Variants in ACVR2A observed in about 807,000 individuals in gnomAD.
ACVR2A encodes activin A receptor type 2A.
ACVR2A carries 7 observed loss-of-function variants against 61.4 expected under a neutral mutation model. The ratio of observed to expected loss-of-function variants is 0.11; its 90% confidence interval spans 0.06 to 0.21. ACVR2A has a LOEUF of 0.21. ACVR2A is among the 10% of genes least tolerant of loss of function. The pLI is 1.00. For missense variants in ACVR2A, 322 were observed against 621.7 expected, an observed-to-expected ratio of 0.52 and a Z score of 5.13; for synonymous variants, 193 against 208.3, an observed-to-expected ratio of 0.93 and a Z score of 0.63.
At chr2:147,920,140 G>T (rs1317763104) in intron 7 of ACVR2A, 90 bp from the exon 8 acceptor site, 5 of 790,838 alleles carry the variant, frequency 6.3e-6, no homozygotes, top group Non-Finnish European at 1.0e-5. Flanking sequence ...TTTTTTCATA[G>T]TGTACATATT....
intron 1 of ACVR2A, among the ~76,000 whole-genome samples, chr2:147,864,180 G>GTAGCA (rs1685795639): frequency 6.6e-6 from 1 of 151,950 alleles, no homozygotes; most frequent in African/African-American, 2.4e-5. Context: ...ATTAAATGAT[G>GTAGCA]TAGCATACTT....
intron 1 of ACVR2A, among the ~76,000 whole-genome samples, chr2:147,894,370 C>G (rs1053869038): frequency 6.6e-6 from 1 of 152,030 alleles, no homozygotes; most frequent in African/African-American, 2.4e-5. Flanking sequence ...TTCAAATAGA[C>G]AAGACATAAT....
chr2:147,870,916 T>A (rs1191473659), intron 1 of ACVR2A, among the ~76,000 whole-genome samples: 1 of 152,138 alleles, frequency 6.6e-6, no homozygotes, highest in Non-Finnish European at 1.5e-5. Flanking sequence ...TAATTAATCT[T>A]TTTTATTCCT....
chr2:147,855,601 T>A (rs910999222), intron 1 of ACVR2A, among the ~76,000 whole-genome samples: 7 of 152,176 alleles, frequency 4.6e-5, no homozygotes, highest in African/African-American at 1.7e-4. Context: ...GAACATTCTC[T>A]GATTGTATTG....
chr2:147,856,329 A>G (rs1357142840), intron 1 of ACVR2A, among the ~76,000 whole-genome samples: 3 of 152,184 alleles, frequency 2.0e-5, no homozygotes, highest in Admixed American at 6.5e-5. Flanking sequence ...TTTAAAAAAT[A>G]TAATGGTGCC....
At chr2:147,907,929 C>T (rs1687024891) in intron 4 of ACVR2A, among the ~76,000 whole-genome samples, 1 of 151,338 alleles carries the variant, frequency 6.6e-6, no homozygotes, top group Non-Finnish European at 1.5e-5. Context: ...ATCCCAGCTA[C>T]TTCGGAGGCT....
intron 1 of ACVR2A, among the ~76,000 whole-genome samples, chr2:147,875,521 A>C (rs1240637868): frequency 6.6e-6 from 1 of 152,090 alleles, no homozygotes; most frequent in East Asian, 1.9e-4. Flanking sequence ...AAAAATGCAG[A>C]GCCCCAGACG....
At chr2:147,869,797 A>C (rs1685964648) in intron 1 of ACVR2A, among the ~76,000 whole-genome samples, 2 of 152,132 alleles carry the variant, frequency 1.3e-5, no homozygotes, top group East Asian at 3.9e-4. Flanking sequence ...ACTTCAGTGA[A>C]CCTTGAAAGA....
At chr2:147,915,157 G>A in intron 4 of ACVR2A, 34 bp from the exon 5 acceptor site, 1 of 1,602,164 alleles carries the variant, frequency 6.2e-7, no homozygotes, top group Non-Finnish European at 8.5e-7. Context: ...GTCATGTTCT[G>A]CTTATTTATA....
At chr2:147,926,211 C>G in intron 10 of ACVR2A, 50 bp downstream of exon 10, 1 of 1,581,146 alleles carries the variant, frequency 6.3e-7, no homozygotes, top group Non-Finnish European at 8.6e-7. Flanking sequence ...AAACACTTTT[C>G]AGAGGAATTA....
chr2:147,894,934 C>T (rs192476083), intron 1 of ACVR2A, among the ~76,000 whole-genome samples: 2 of 152,092 alleles, frequency 1.3e-5, no homozygotes, highest in East Asian at 3.9e-4. Flanking sequence ...TTGTGTCAGT[C>T]TACACATATG....
At chr2:147,868,788 C>T (rs1474914638) in intron 1 of ACVR2A, among the ~76,000 whole-genome samples, 2 of 151,894 alleles carry the variant, frequency 1.3e-5, no homozygotes, top group African/African-American at 2.4e-5. Context: ...TGCCACCACA[C>T]CTGGCTAATT....
At chr2:147,917,511 T>C (rs1178848201) in intron 6 of ACVR2A, 85 bp downstream of exon 6, 22 of 1,405,222 alleles carry the variant, frequency 1.6e-5, no homozygotes, top group Non-Finnish European at 2.1e-5. Flanking sequence ...AGAGTTATTT[T>C]TCGAGACATC....
rs112040792 is a variant in ACVR2A, at chr2:147,926,796, G to A, written c.1348-284G>A. 2.0e-5 allele frequency among the ~76,000 whole-genome samples: 3 copies of A among 151,764 alleles called. 1 individual carries two copies. Among genetic ancestry groups the A allele is most frequent in the African/African-American group, 7.2e-5 (3 of 41,454 alleles). On this transcript the variant is annotated intron_variant, in intron 10 of 10. Coordinates refer to ENST00000241416, the MANE Select transcript of ACVR2A (RefSeq NM_001616.5). Reference sequence around the variant, plus strand: ...GGTCCCCTTTATCCTTGATTTTTGAGTCCATTTGAAGGGTTAGCATTGAAA... The same window carrying A: ...GGTCCCCTTTATCCTTGATTTTTGAATCCATTTGAAGGGTTAGCATTGAAA...
intron 1 of ACVR2A, among the ~76,000 whole-genome samples, chr2:147,865,479 G>A (rs1349023189): frequency 6.6e-6 from 1 of 152,138 alleles, no homozygotes; most frequent in East Asian, 1.9e-4. Flanking sequence ...AAGTTCTCTT[G>A]TCCTGTTACA....
intron 3 of ACVR2A, 42 bp from the exon 4 acceptor site, chr2:147,899,702 T>C: frequency 6.2e-7 from 1 of 1,605,614 alleles, no homozygotes. Context: ...TATAGAATTT[T>C]GTAGACCAAA....
intron 4 of ACVR2A, among the ~76,000 whole-genome samples, chr2:147,905,656 G>C (rs1686971990): frequency 6.6e-6 from 1 of 151,898 alleles, no homozygotes; most frequent in Non-Finnish European, 1.5e-5. Context: ...GATTATTTTT[G>C]TATTGGTAAC....
intron 1 of ACVR2A, among the ~76,000 whole-genome samples, chr2:147,866,911 A>G (rs966629549): frequency 8.5e-5 from 13 of 152,196 alleles, no homozygotes; most frequent in Non-Finnish European, 8.8e-5. Flanking sequence ...AGAATGAGGA[A>G]TGAAAACAGA....
intron 9 of ACVR2A, among the ~76,000 whole-genome samples, chr2:147,924,887 G>T (rs1384638023): frequency 1.3e-5 from 2 of 151,832 alleles, no homozygotes; most frequent in Non-Finnish European, 2.9e-5. Context: ...CCACATAAGT[G>T]TTGAATAGAC....
Sources: gnomAD v4.1 joint callset for allele counts (sites outside exome capture counted in the v4.1 genomes callset) on GRCh38, gnomAD v4.1.1 for gene constraint, MANE v1.5 for transcripts, NCBI Gene and HGNC (gene_info 2026-07-23, HGNC 2026-07-21) for gene names.